Variants in PGBD2 observed in about 807,000 individuals in gnomAD.
PGBD2 encodes the protein piggyBac transposable element-derived protein 2.
PGBD2 carries 6 observed loss-of-function variants against 8.1 expected under a neutral mutation model. The observed-to-expected ratio is 0.74, with a 90% CI of 0.40 to 1.46. PGBD2 has a LOEUF of 1.46. Among genes scored for constraint, PGBD2 ranks in the 40% most tolerant of loss-of-function variants. PGBD2 has a pLI of 0.02. For synonymous variants in PGBD2, 318 were observed against 272.2 expected (o/e 1.17, Z -1.66); for missense variants, 802 against 739.0 (o/e 1.09, Z -0.99).
chr1:248,879,967 G>C, the PGBD2 span, among the ~76,000 whole-genome samples: 1 of 152,154 alleles, frequency 6.6e-6, no homozygotes, highest in African/African-American at 2.4e-5. Context: ...ATGCTGTGGA[G>C]AGAGCAATTC....
rs772465163 is a variant in PGBD2, at chr1:248,917,448, G to A, written c.864G>A (p.Lys288=). 20 of 1,614,104 alleles carry A rather than the reference G, an allele frequency of 1.2e-5. No individual in the cohort carries two copies. Among genetic ancestry groups the A allele is most frequent in the African/African-American group, 1.3e-5 (1 of 75,010 alleles). The change falls in exon 3 of 3, where the codon AAG becomes AAA. Residue 288 remains lysine (K), a synonymous_variant. Coordinates refer to ENST00000329291, the MANE Select transcript of PGBD2 (RefSeq NM_170725.3). The part of the protein sequence containing the change: ...HRGSKQLHRG[K]PVRLGYKIWC... ...GGTCCAAGCAGCTGCACAGGGGGAA[G>A]CCTGTGCGACTTGGCTACAAGATTT...
the PGBD2 span, among the ~76,000 whole-genome samples, chr1:248,890,935 AC>A: frequency 2.0e-5 from 3 of 146,464 alleles, no homozygotes; most frequent in Admixed American, 2.0e-4. Context: ...ACACCTCCCC[AC>A]CCCCGACACA....
In PGBD2 at chr1:248,917,745, C is replaced by G. The variant is rs1662162467; in HGVS notation, c.1161C>G (p.Pro387=). The G allele has an allele frequency of 1.2e-6, 2 of 1,614,082 alleles. No individual in the cohort carries two copies. The highest frequency in any genetic ancestry group is 1.7e-6 in the Non-Finnish European group (2 of 1,180,014). ...CTGAGCGATGTCCCCTAAAAGACCC[C>G]AAAGAACTGAAAAAAATGAAGAGGG... The part of the protein sequence containing the change: ...YRTERCPLKD[P]KELKKMKRGS... Residue 387 remains proline, a synonymous_variant, in exon 3 of 3, where the codon CCC becomes CCG. Transcript: ENST00000329291.
the PGBD2 span, among the ~76,000 whole-genome samples, chr1:248,880,714 T>A: frequency 6.6e-6 from 1 of 152,188 alleles, no homozygotes; most frequent in Non-Finnish European, 1.5e-5. Flanking sequence ...AAACTGTTAG[T>A]CTTTGTTCCT....
intron 1 of PGBD2, among the ~76,000 whole-genome samples, chr1:248,913,493 C>T (rs532130800): frequency 5.3e-5 from 8 of 152,214 alleles, no homozygotes; most frequent in Non-Finnish European, 8.8e-5. Flanking sequence ...TATTATGGAT[C>T]GTGCAGCGGG....
downstream of PGBD2, among the ~76,000 whole-genome samples, chr1:248,922,773 G>T (rs1182801242): frequency 6.6e-6 from 1 of 152,304 alleles, no homozygotes; most frequent in Admixed American, 6.5e-5. Context: ...TGATTTGCGT[G>T]TGTTGAACCA....
chr1:248,891,634 A>G, the PGBD2 span, among the ~76,000 whole-genome samples: 1 of 152,190 alleles, frequency 6.6e-6, no homozygotes, highest in African/African-American at 2.4e-5. Context: ...GTTCAAGACC[A>G]GCCTGGGTAA....
chr1:248,893,304 G>A, the PGBD2 span, among the ~76,000 whole-genome samples: 1 of 152,170 alleles, frequency 6.6e-6, no homozygotes, highest in Non-Finnish European at 1.5e-5. Context: ...TACGCACTAT[G>A]TTGTACAGCA....
chr1:248,923,625 G>T (rs992110163), downstream of PGBD2, among the ~76,000 whole-genome samples: 1 of 152,204 alleles, frequency 6.6e-6, no homozygotes. Flanking sequence ...AAACACTCTA[G>T]TGTTCTAGCA....
Position 248,917,995 on chromosome 1 carries a change from G to C in PGBD2, c.1411G>C (p.Ala471Pro). Residue 471 changes from alanine to proline, a missense_variant, in exon 3 of 3, where the codon GCC becomes CCC. Coordinates refer to ENST00000329291, the MANE Select transcript of PGBD2 (RefSeq NM_170725.3). ...CGTTGGTAGGATGGATCAGAATATT[G>C]CCAAGTACAAGGTGAAGATCCGAGG... ...GGVGRMDQNI[A>P]KYKVKIRGMK... is the part of the protein sequence containing the mutation. The C allele has an allele frequency of 6.2e-7, 1 of 1,614,168 alleles. No homozygotes were observed.
chr1:248,904,804 A>G (rs559154026), upstream of PGBD2, among the ~76,000 whole-genome samples: 5 of 152,332 alleles, frequency 3.3e-5, no homozygotes, highest in East Asian at 7.7e-4. Flanking sequence ...CTGAATTCAC[A>G]ACAGTCTTAT....
chr1:248,897,085 T>G, the PGBD2 span, among the ~76,000 whole-genome samples: 1 of 152,186 alleles, frequency 6.6e-6, no homozygotes, highest in Non-Finnish European at 1.5e-5. Context: ...GGTAAAGAAA[T>G]CAAAGTACTT....
rs563340638 is a variant in PGBD2, at chr1:248,906,964, G to A, written c.-48+622G>A. Among the ~76,000 whole-genome samples, 874 of 152,242 alleles carry A rather than the reference G, an allele frequency of 5.7e-3. 6 individuals carry two copies. Among genetic ancestry groups the A allele is most frequent in the Non-Finnish European group, 0.01 (693 of 68,006 alleles). ...ACCTGTGGGATATCTTGTCAGGTGG[G>A]AGGAGAGACTGAGAAAAGAAATAAG... On this transcript the variant is annotated intron_variant, in intron 1 of 2. Coordinates refer to ENST00000329291, the MANE Select transcript of PGBD2 (RefSeq NM_170725.3).
Position 248,919,144 on chromosome 1 carries a change from A to G in PGBD2, c.*781A>G, listed in dbSNP as rs1294190576. 4 of 166,986 alleles carry G rather than the reference A, an allele frequency of 2.4e-5. No homozygotes were observed. The highest frequency in any genetic ancestry group is 7.2e-5 in the African/African-American group (3 of 41,444). The allele number at this position is 166,986 out of a possible 1,614,324, so 10.3% of individuals were successfully genotyped here. On this transcript the variant is annotated 3_prime_UTR_variant, in exon 3 of 3. Coordinates refer to ENST00000329291, the MANE Select transcript of PGBD2 (RefSeq NM_170725.3). ...ATGTGCAATTAAATTATTTTTAACT[A>G]TATTCACCCTGTTGTGCTAGCAAAT...
upstream of PGBD2, among the ~76,000 whole-genome samples, chr1:248,903,223 G>A (rs1661564327): frequency 6.6e-6 from 1 of 152,076 alleles, no homozygotes; most frequent in Non-Finnish European, 1.5e-5. Context: ...TTTAGAGACA[G>A]GGTCTCATTC....
chr1:248,878,428 C>T, the PGBD2 span, among the ~76,000 whole-genome samples: 2 of 152,118 alleles, frequency 1.3e-5, no homozygotes, highest in East Asian at 3.9e-4. Context: ...CCGCCCGCCT[C>T]GGCCTCCCAA....
chr1:248,898,491 T>G, the PGBD2 span, among the ~76,000 whole-genome samples: 1 of 152,190 alleles, frequency 6.6e-6, no homozygotes, highest in Admixed American at 6.5e-5. Flanking sequence ...ACCCAGAATT[T>G]CATATCCAGC....
At chr1:248,916,528 C>A in intron 2 of PGBD2, 74 bp from the exon 3 acceptor site, 2 of 1,308,480 alleles carry the variant, frequency 1.5e-6, no homozygotes, top group Non-Finnish European at 2.2e-6. Flanking sequence ...ATAGTGGGAG[C>A]ACCCTCCTCT....
upstream of PGBD2, among the ~76,000 whole-genome samples, chr1:248,905,727 C>A (rs890899650): frequency 6.6e-6 from 1 of 152,184 alleles, no homozygotes; most frequent in Non-Finnish European, 1.5e-5. Flanking sequence ...TCCCTCTCAA[C>A]AAAGAATTAT....
Sources: gnomAD v4.1 joint callset for allele counts (sites outside exome capture counted in the v4.1 genomes callset) on GRCh38, gnomAD v4.1.1 for gene constraint, MANE v1.5 for transcripts, NCBI Gene and HGNC (gene_info 2026-07-23, HGNC 2026-07-21) for gene names.